The following LRRC56 variants were observed in gnomAD, a reference collection of about 807,000 sequenced individuals.
LRRC56 encodes leucine-rich repeat-containing protein 56.
A neutral mutation model predicts 47.8 loss-of-function variants in LRRC56; 41 were observed. That is an observed-to-expected ratio of 0.86 (90% CI 0.67 to 1.11). LRRC56 has a LOEUF of 1.11. LRRC56 is among the 50% of genes most tolerant of loss of function. LRRC56 has a pLI of 0.00. For synonymous variants in LRRC56, 387 were observed against 311.2 expected (o/e 1.24, Z -2.56); for missense variants, 759 against 704.2 (o/e 1.08, Z -0.88).
chr11:520,617 C>T, the LRRC56 span, among the ~76,000 whole-genome samples: 24 of 152,144 alleles, frequency 1.6e-4, no homozygotes, highest in Admixed American at 4.6e-4. Context: ...CCGCGCCCGG[C>T]CTAGTATTGA....
intron 6 of LRRC56, among the ~76,000 whole-genome samples, chr11:545,438 C>T (rs554662265): frequency 2.0e-4 from 30 of 152,300 alleles, no homozygotes; most frequent in South Asian, 4.1e-4. Flanking sequence ...AGAACCTGCA[C>T]GTAGAACCCA....
At chr11:511,214 G>T in the LRRC56 span, among the ~76,000 whole-genome samples, 1 of 151,936 alleles carries the variant, frequency 6.6e-6, no homozygotes, top group Non-Finnish European at 1.5e-5. Flanking sequence ...CCAGCTACTT[G>T]GGAGGCTGAG....
At chr11:532,562 G>C, upstream of LRRC56, 1 of 1,569,694 alleles carries the variant, frequency 6.4e-7, no homozygotes, top group Non-Finnish European at 8.6e-7. Context: ...CGCAGGCCAG[G>C]AGACCGGCAG....
chr11:552,352 T>G, intron 12 of LRRC56, 120 bp downstream of exon 12: 1 of 1,401,146 alleles, frequency 7.1e-7, no homozygotes, highest in African/African-American at 1.4e-5. Context: ...CTGCATGTCC[T>G]GTCCCGTGGG....
the LRRC56 span, among the ~76,000 whole-genome samples, chr11:526,369 G>T: frequency 6.6e-5 from 10 of 152,136 alleles, no homozygotes; most frequent in Admixed American, 6.6e-4. Context: ...ACACGCCCAA[G>T]ATGAAAATCA....
chr11:549,954 G>A lies in LRRC56; in HGVS notation c.379G>A (p.Gly127Ser). The A allele has an allele frequency of 6.2e-7, 1 of 1,612,900 alleles. No homozygotes were observed. Among genetic ancestry groups the A allele is most frequent in the African/African-American group, 1.3e-5 (1 of 75,068 alleles). ...GCAGGTGCTGTGGCTGGCTCGCTGT[G>A]GCCTCGCTGACCTGGATGGCATCGC... is the stretch of plus-strand genomic sequence containing the variant. ...HLQVLWLARC[G>S]LADLDGIASL... is the part of the protein sequence containing the mutation. The change falls in exon 7 of 14, where the codon GGC becomes AGC. Residue 127 changes from glycine to serine, a missense_variant. By Grantham distance (56) the Gly-to-Ser change is moderately conservative (BLOSUM62 0). Transcript: ENST00000270115.
chr11:539,416 G>T (rs1220310936), intron 2 of LRRC56, among the ~76,000 whole-genome samples, 164 bp from the exon 3 acceptor site: 3 of 107,462 alleles, frequency 2.8e-5, no homozygotes, highest in East Asian at 2.7e-4. Context: ...ACAGAGTCTT[G>T]CTCTGTTGCC....
chr11:518,452 G>C, the LRRC56 span, among the ~76,000 whole-genome samples: 1 of 152,102 alleles, frequency 6.6e-6, no homozygotes, highest in Non-Finnish European at 1.5e-5. Flanking sequence ...AAGTGCTTGG[G>C]ATTACAGGCG....
Position 551,836 on chromosome 11 carries a change from C to A in LRRC56, c.973+9C>A. Reference sequence around the variant, plus strand: ...CAGCAGCCTCACCCATGGTAACTGACTTGCCTCAAAGCTGACCCTGCAGCC... The same window carrying A: ...CAGCAGCCTCACCCATGGTAACTGAATTGCCTCAAAGCTGACCCTGCAGCC... On this transcript the variant is annotated intron_variant, in intron 10 of 13. Coordinates refer to ENST00000270115, the MANE Select transcript of LRRC56 (RefSeq NM_198075.4). 1 of 1,606,826 alleles carries A rather than the reference C, an allele frequency of 6.2e-7. No homozygotes were observed. Among genetic ancestry groups the A allele is most frequent in the Non-Finnish European group, 8.5e-7 (1 of 1,175,682 alleles).
At position 551,208 on chromosome 11, in the gene LRRC56, C is replaced by T. The variant is rs144277841; in HGVS notation, c.702C>T (p.Ala234=). 32 of 1,547,230 alleles carry T rather than the reference C, an allele frequency of 2.1e-5. No homozygotes were observed. The highest frequency in any genetic ancestry group is 6.0e-5 in the South Asian group (5 of 83,812). ...TGCAGGTCCTGGACGAAGTGCCGGC[C>T]GCACACACAGGCCCACCGGCCCCCC... The part of the protein sequence containing the change: ...PQLQVLDEVP[A]AHTGPPAPPR... Residue 234 remains alanine (A), a synonymous_variant, in exon 9 of 14, where the codon GCC becomes GCT. Transcript: ENST00000270115.
chr11:535,697 G>C (rs1851456556), upstream of LRRC56: 1 of 152,166 alleles, frequency 6.6e-6, no homozygotes, highest in Non-Finnish European at 1.5e-5. Context: ...CCGCGGTCGG[G>C]CGGGGCTTCC....
the LRRC56 span, among the ~76,000 whole-genome samples, chr11:531,659 C>T: frequency 2.4e-4 from 36 of 152,294 alleles, no homozygotes; most frequent in Admixed American, 6.5e-4. Context: ...CTCGTCCACT[C>T]CAGGAGGCAG....
At chr11:519,312 GATACACAGGTGA>G in the LRRC56 span, among the ~76,000 whole-genome samples, 3 of 126,718 alleles carry the variant, frequency 2.4e-5, no homozygotes, top group African/African-American at 8.9e-5. Context: ...AACGCGGGCT[GATACACAGGTGA>G]GCTTTATTAG....
At chr11:546,452 C>T (rs1202357434) in intron 6 of LRRC56, among the ~76,000 whole-genome samples, 1 of 151,968 alleles carries the variant, frequency 6.6e-6, no homozygotes, top group African/African-American at 2.4e-5. Flanking sequence ...CCTGTAGTCC[C>T]AGCTACTCGG....
intron 3 of LRRC56, among the ~76,000 whole-genome samples, chr11:539,954 C>T (rs1468980406): frequency 2.6e-5 from 4 of 152,234 alleles, no homozygotes; most frequent in Non-Finnish European, 5.9e-5. Context: ...ACCTGACTCT[C>T]TTCCTCCTCG....
chr11:514,134 A>G, the LRRC56 span, among the ~76,000 whole-genome samples: 2 of 151,740 alleles, frequency 1.3e-5, no homozygotes, highest in Non-Finnish European at 2.9e-5. Flanking sequence ...TGGGACTACA[A>G]GCACGCACCA....
rs947648107 is a variant in LRRC56, at chr11:537,624, C to G, written c.-422+19C>G. The G allele has an allele frequency of 6.6e-6, 1 of 152,070 alleles. No individual in the cohort carries two copies. The highest frequency in any genetic ancestry group is 2.4e-5 in the African/African-American group (1 of 41,436). The allele number at this position is 152,070 out of a possible 1,614,324, so 9.4% of individuals were successfully genotyped here. The stretch of plus-strand genomic sequence containing the variant: ...CCCTCAGGTGAGAGCCGAGCGCACC[C>G]TTGGGGTGGGAGCCGCAAGCCTCGC... On this transcript the variant is annotated intron_variant, in intron 1 of 13. Transcript: ENST00000270115.
At chr11:553,775 G>A (rs953418472) in intron 13 of LRRC56, among the ~76,000 whole-genome samples, 188 bp from the exon 14 acceptor site, 9 of 152,134 alleles carry the variant, frequency 5.9e-5, no homozygotes, top group Non-Finnish European at 8.8e-5. Context: ...AGGTGGGCCC[G>A]CCCATGCGAG....
At chr11:534,287 G>A (rs727504424), upstream of LRRC56, 20 of 1,613,138 alleles carry the variant, frequency 1.2e-5, no homozygotes, top group East Asian at 4.5e-4. Context: ...TGCCCACACC[G>A]CCGGCGCCCA....
Sources: allele counts gnomAD v4.1 joint callset (sites outside exome capture counted in the v4.1 genomes callset), GRCh38; gene constraint gnomAD v4.1.1; transcripts MANE v1.5; gene names NCBI Gene and HGNC (gene_info 2026-07-23, HGNC 2026-07-21).